ARSG: variants seen among roughly 807,000 people sequenced by gnomAD.
The protein encoded by ARSG is arylsulfatase G.
In ARSG, 37 loss-of-function variants were observed where a neutral mutation model predicts 50.5. That is an observed-to-expected ratio of 0.73 (90% CI 0.56 to 0.96). ARSG has a LOEUF of 0.96. Ranked by LOEUF, ARSG falls within the 50% of genes least tolerant of loss-of-function variation. ARSG has a pLI of 0.00. For missense variants in ARSG, 629 were observed against 675.3 expected, an observed-to-expected ratio of 0.93 and a Z score of 0.76; for synonymous variants, 225 against 254.6, an observed-to-expected ratio of 0.88 and a Z score of 1.11.
At chr17:68,394,146 C>T (rs2081126008) in intron 9 of ARSG, among the ~76,000 whole-genome samples, 1 of 151,780 alleles carries the variant, frequency 6.6e-6, no homozygotes, top group Non-Finnish European at 1.5e-5. Context: ...GCATAAGCCA[C>T]CAAGAATGAA....
chr17:68,373,636 G>A (rs1473185852), intron 8 of ARSG, among the ~76,000 whole-genome samples: 1 of 152,106 alleles, frequency 6.6e-6, no homozygotes, highest in African/African-American at 2.4e-5. Context: ...ATTTGAGTCG[G>A]GGTCAGGAGA....
Position 68,271,140 on chromosome 17 carries a change from T to C in ARSG, c.-552+11714T>C, listed in dbSNP as rs1417466460. The C allele has an allele frequency of 3.1e-6, 5 of 1,614,148 alleles. No individual in the cohort carries two copies. Among genetic ancestry groups the C allele is most frequent in the Non-Finnish European group, 3.4e-6 (4 of 1,180,032 alleles). On this transcript the variant is annotated intron_variant, in intron 1 of 11. Transcript: ENST00000448504. This position sits in a 1 kb window ranked among gnomAD's most constrained non-coding sequence, Gnocchi z 5.3. ...AACCAGCTCCGATCCTTCCGAAAAC[T>C]TCTGCAATGGCCATCGTAGATAATA...
downstream of ARSG, among the ~76,000 whole-genome samples, chr17:68,426,926 G>A (rs1600261809): frequency 6.6e-6 from 1 of 152,250 alleles, no homozygotes; most frequent in South Asian, 2.1e-4. Flanking sequence ...AGGGTCCCAG[G>A]TTTAAAGGCT....
downstream of ARSG, chr17:68,426,252 G>GGGGGGT: frequency 2.4e-6 from 2 of 828,182 alleles, no homozygotes; most frequent in Non-Finnish European, 3.8e-6. Context: ...TGGGGAGCGG[G>GGGGGGT]GGCTCAAATA....
At chr17:68,337,135 T>C (rs894027529) in intron 2 of ARSG, among the ~76,000 whole-genome samples, 3 of 151,866 alleles carry the variant, frequency 2.0e-5, no homozygotes, top group South Asian at 2.1e-4. Context: ...GGGTGGATGG[T>C]GGTGGCACTG....
At chr17:68,287,303 C>T (rs1343901771), upstream of ARSG, among the ~76,000 whole-genome samples, 1 of 151,836 alleles carries the variant, frequency 6.6e-6, no homozygotes, top group African/African-American at 2.4e-5. Context: ...ACGCGTGAGC[C>T]AGCATGCCCA....
At chr17:68,394,797 C>G (rs1217237097) in intron 9 of ARSG, among the ~76,000 whole-genome samples, 4 of 152,118 alleles carry the variant, frequency 2.6e-5, no homozygotes, top group Non-Finnish European at 5.9e-5. Flanking sequence ...AAAACTGAGG[C>G]ATTGAGAAGC....
chr17:68,333,725 G>A (rs1031731802), intron 2 of ARSG, among the ~76,000 whole-genome samples: 1 of 151,950 alleles, frequency 6.6e-6, no homozygotes, highest in Non-Finnish European at 1.5e-5. Context: ...TGAGCCAAGA[G>A]GATCCTTGTG....
intron 2 of ARSG, among the ~76,000 whole-genome samples, chr17:68,339,404 A>T (rs1292163067): frequency 6.6e-6 from 1 of 152,260 alleles, no homozygotes; most frequent in Non-Finnish European, 1.5e-5. Context: ...ATGAACAAAA[A>T]TTCCCTGATG....
At chr17:68,398,245 A>G (rs1406915113) in intron 10 of ARSG, among the ~76,000 whole-genome samples, 1 of 152,190 alleles carries the variant, frequency 6.6e-6, no homozygotes, top group Non-Finnish European at 1.5e-5. Flanking sequence ...TACACTATAC[A>G]TGTGTACATA....
At chr17:68,437,947 TTAAAAAAAAA>T in the ARSG span, among the ~76,000 whole-genome samples, 4 of 58,810 alleles carry the variant, frequency 6.8e-5, 1 homozygote, top group South Asian at 1.9e-3. Flanking sequence ...GACATCTCTC[TTAAAAAAAAA>T]AAAAAAAAAA....
At chr17:68,437,043 T>TGTGTGTG in the ARSG span, among the ~76,000 whole-genome samples, 1 of 149,644 alleles carries the variant, frequency 6.7e-6, no homozygotes, top group Non-Finnish European at 1.5e-5. Context: ...TGTGTATATA[T>TGTGTGTG]TGCTCATTTT....
At chr17:68,275,721 C>T (rs987011729) in intron 1 of ARSG, among the ~76,000 whole-genome samples, 1 of 152,044 alleles carries the variant, frequency 6.6e-6, no homozygotes, top group Non-Finnish European at 1.5e-5. Context: ...GTGGCTTACA[C>T]CTGTAAATCC....
At chr17:68,278,656 G>T (rs921944740) in intron 1 of ARSG, among the ~76,000 whole-genome samples, 14 of 118,036 alleles carry the variant, frequency 1.2e-4, no homozygotes, top group South Asian at 2.6e-4. Flanking sequence ...GTCTCACTCT[G>T]TTGCCCAGGC....
chr17:68,347,317 T>C, intron 4 of ARSG, 145 bp downstream of exon 4: 1 of 936,432 alleles, frequency 1.1e-6, no homozygotes, highest in Non-Finnish European at 1.7e-6. Flanking sequence ...TGAGTGCATT[T>C]GGGGTGCCAG....
chr17:68,371,316 C>CAAAA (rs35873473), intron 8 of ARSG, among the ~76,000 whole-genome samples: 11 of 86,052 alleles, frequency 1.3e-4, no homozygotes, highest in Non-Finnish European at 1.8e-4. Flanking sequence ...GACTCCGTCT[C>CAAAA]AAAAAAAAAA....
the ARSG span, chr17:68,444,496 T>C: frequency 6.2e-7 from 1 of 1,613,124 alleles, no homozygotes; most frequent in Non-Finnish European, 8.5e-7. Context: ...AGCTCACCTG[T>C]TGGGTTTGCA....
the ARSG span, among the ~76,000 whole-genome samples, chr17:68,447,637 T>C: frequency 1.3e-5 from 2 of 152,258 alleles, no homozygotes; most frequent in African/African-American, 4.8e-5. Context: ...GCGATCCTCC[T>C]GCCTCGGCCT....
rs75230174 is a variant in ARSG, at chr17:68,405,219, C to T, written c.1303+3769C>T. Among the ~76,000 whole-genome samples, 168 of 119,098 alleles carry T rather than the reference C, an allele frequency of 1.4e-3. No homozygotes were observed. The East Asian group carries it at 0.033, about 24-fold the overall frequency. 78.1% of individuals were successfully genotyped at this position (119,098 alleles called of 152,430 possible). ...AATTTTAGGATGGCTTTTTCTATTT[C>T]TGCAAAAAACATCATCAGGATTTTG... On this transcript the variant is annotated intron_variant, in intron 11 of 11. Transcript: ENST00000621439.
Sources: gnomAD v4.1 joint callset for allele counts (sites outside exome capture counted in the v4.1 genomes callset) on GRCh38, gnomAD v4.1.1 for gene constraint, Gnocchi (gnomAD v3.1) non-coding constraint, MANE v1.5 for transcripts, NCBI Gene and HGNC (gene_info 2026-07-23, HGNC 2026-07-21) for gene names.